Variants in ALDH6A1 observed in about 807,000 individuals in gnomAD.
The protein encoded by ALDH6A1 is aldehyde dehydrogenase 6 family member A1.
A neutral mutation model predicts 62.6 loss-of-function variants in ALDH6A1; 43 were observed. The ratio of observed to expected loss-of-function variants is 0.69; its 90% CI spans 0.54 to 0.89. The LOEUF is 0.89. Among genes scored for constraint, ALDH6A1 ranks in the 40% least tolerant of loss-of-function variants. The probability of loss-of-function intolerance (pLI) is 0.00; values close to 1 mark genes in which losing one functional copy is unlikely to be tolerated. For synonymous variants in ALDH6A1, 194 were observed against 234.2 expected (o/e 0.83, Z 1.57); for missense variants, 551 against 661.3 (o/e 0.83, Z 1.83).
At position 74,066,730 on chromosome 14, in the gene ALDH6A1, C is replaced by T; in HGVS notation, c.1199G>A (p.Gly400Glu). Reference sequence around the variant, plus strand: ...CTTGACATTCGAGATGATGGTTGGTCCAACAAAGTTGCCATTTTCATAGCC... The same window carrying T: ...CTTGACATTCGAGATGATGGTTGGTTCAACAAAGTTGCCATTTTCATAGCC... ...VKGYENGNFV[G>E]PTIISNVKPN... is the part of the protein sequence containing the mutation. Residue 400 changes from glycine (G) to glutamate (E), a missense_variant, in exon 9 of 12, where the codon GGA becomes GAA. Gly to Glu is a moderately conservative substitution (Grantham distance 98). Coordinates refer to ENST00000553458, the MANE Select transcript of ALDH6A1 (RefSeq NM_005589.4). 6.2e-7 allele frequency: 1 copy of T among 1,614,014 alleles called. No individual in the cohort carries two copies. Among genetic ancestry groups the T allele is most frequent in the South Asian group, 1.1e-5 (1 of 91,060 alleles).
chr14:74,057,174 C>T lies in ALDH6A1; in HGVS notation c.*3468G>A, dbSNP rs763575412. ...AAAGTAAGCTTCAAGATAAAATCTT[C>T]ATCACCCAGCAAATTGCAATATCAG... is the stretch of plus-strand genomic sequence containing the variant. On this transcript the variant is annotated 3_prime_UTR_variant, in exon 12 of 12. Coordinates refer to ENST00000553458, the MANE Select transcript of ALDH6A1 (RefSeq NM_005589.4). The T allele has an allele frequency of 1.4e-5, 22 of 1,613,238 alleles. No individual in the cohort carries two copies. Among genetic ancestry groups the T allele is most frequent in the Non-Finnish European group, 1.8e-5 (21 of 1,179,478 alleles).
chr14:74,069,103 T>TTTC lies in ALDH6A1; in HGVS notation c.731-123_731-122insGAA, dbSNP rs879156715. The TTTC allele has an allele frequency of 1.2e-5, 6 of 518,864 alleles. 1 individual carries two copies. The South Asian group carries it at 2.3e-4, about 19-fold the overall frequency. The allele number at this position is 518,864 out of a possible 1,614,324, so 32.1% of individuals were successfully genotyped here. On this transcript the variant is annotated intron_variant, in intron 6 of 11. Transcript: ENST00000553458. ...CCTGTGTTTTTCTTTTACTTTTTCT[T>TTTC]TTTTTTTTTTTTTTTTTTTGAGACG... is the stretch of plus-strand genomic sequence containing the variant.
chr14:74,057,029 T>C lies in ALDH6A1; in HGVS notation c.*3613A>G. The stretch of plus-strand genomic sequence containing the variant: ...ATAAACATGAGCCCAACACGATGGT[T>C]CTTGTGGGCATCTTGAATGTGCTAA... On this transcript the variant is annotated 3_prime_UTR_variant, in exon 12 of 12. Transcript: ENST00000553458. 1 of 1,585,648 alleles carries C rather than the reference T, an allele frequency of 6.3e-7. No individual in the cohort carries two copies. Among genetic ancestry groups the C allele is most frequent in the African/African-American group, 1.3e-5 (1 of 74,104 alleles).
At chr14:74,063,748 C>A (rs1023117137) in intron 11 of ALDH6A1, among the ~76,000 whole-genome samples, 1 of 151,172 alleles carries the variant, frequency 6.6e-6, no homozygotes, top group Non-Finnish European at 1.5e-5. Flanking sequence ...CATCTGTAAT[C>A]CCAGCTACTT....
At chr14:74,078,620 C>T (rs1049544458) in intron 1 of ALDH6A1, among the ~76,000 whole-genome samples, 1 of 152,150 alleles carries the variant, frequency 6.6e-6, no homozygotes, top group African/African-American at 2.4e-5. Flanking sequence ...CTCCACCTCC[C>T]GGGTTCAAGT....
At chr14:74,076,365 C>T (rs1255835703) in intron 1 of ALDH6A1, among the ~76,000 whole-genome samples, 1 of 152,008 alleles carries the variant, frequency 6.6e-6, no homozygotes, top group Non-Finnish European at 1.5e-5. Flanking sequence ...TATATGTTAT[C>T]AAAGTTGATT....
rs1290771016 is a variant in ALDH6A1 at position 74,072,346 on chromosome 14, C to A, written c.205G>T (p.Gly69Cys). Residue 69 changes from glycine to cysteine, a missense_variant, in exon 4 of 12, where the codon GGT (glycine) becomes TGT (cysteine). Transcript: ENST00000553458. Reference protein sequence around the residue: ...IHNPATNEVIGRVPQATKAEM... With the variant: ...IHNPATNEVICRVPQATKAEM... Reference sequence around the variant, plus strand: ...GCCTTGGTGGCCTGAGGGACCCGACCAATGACCTCATTGGTGGCCTGATGA... The same window carrying A: ...GCCTTGGTGGCCTGAGGGACCCGACAAATGACCTCATTGGTGGCCTGATGA... 1.2e-6 allele frequency: 2 copies of A among 1,614,146 alleles called. No homozygotes were observed. Among genetic ancestry groups the A allele is most frequent in the Admixed American group, 1.7e-5 (1 of 60,018 alleles).
rs1159315170 is a variant in ALDH6A1 at position 74,068,776 on chromosome 14, G to C, written c.852+84C>G. The C allele has an allele frequency of 3.6e-5, 53 of 1,473,344 alleles. 1 individual carries two copies. In the Middle Eastern group the frequency reaches 8.7e-4, roughly 24 times the overall value. 91.3% of individuals were successfully genotyped at this position (1,473,344 alleles called of 1,614,324 possible). A position where few individuals can be genotyped will look rare whatever the true frequency, so the allele number is the denominator to read the frequency against. The stretch of plus-strand genomic sequence containing the variant: ...AGAAACACTGACATTGGAGTGGGAT[G>C]AGTGGCCTCTCTGCTGAAGGTCTGT... On this transcript the variant is annotated intron_variant, in intron 7 of 11. Coordinates refer to ENST00000553458, the MANE Select transcript of ALDH6A1 (RefSeq NM_005589.4).
chr14:74,079,307 C>T (rs1197509208), intron 1 of ALDH6A1, among the ~76,000 whole-genome samples: 1 of 148,804 alleles, frequency 6.7e-6, no homozygotes, highest in African/African-American at 2.6e-5. Flanking sequence ...AGTACAATGG[C>T]GCAATCTCGG....
chr14:74,076,093 G>A (rs1328681893), intron 1 of ALDH6A1, among the ~76,000 whole-genome samples: 1 of 152,130 alleles, frequency 6.6e-6, no homozygotes, highest in Non-Finnish European at 1.5e-5. Context: ...TTGGGGTGAT[G>A]GACATATGTT....
At chr14:74,080,371 T>TC (rs1457978117) in intron 1 of ALDH6A1, among the ~76,000 whole-genome samples, 3 of 148,666 alleles carry the variant, frequency 2.0e-5, no homozygotes, top group Non-Finnish European at 3.0e-5. Flanking sequence ...ACTCTTTCTT[T>TC]TTTTTTTTTT....
At chr14:74,068,481 C>T (rs2060503446) in intron 7 of ALDH6A1, among the ~76,000 whole-genome samples, 2 of 152,114 alleles carry the variant, frequency 1.3e-5, no homozygotes, top group African/African-American at 4.8e-5. Flanking sequence ...AGGCTTACGC[C>T]TGTAATCCCA....
intron 11 of ALDH6A1, among the ~76,000 whole-genome samples, chr14:74,062,312 T>C (rs1445626012): frequency 6.6e-6 from 1 of 151,594 alleles, no homozygotes; most frequent in Non-Finnish European, 1.5e-5. Flanking sequence ...TTACAAAAGC[T>C]GTGACTAGGC....
In ALDH6A1 at chr14:74,060,744, G is replaced by A. The variant is rs202203734; in HGVS notation, c.1506C>T (p.Gly502=). 38 of 1,606,672 alleles carry A rather than the reference G, an allele frequency of 2.4e-5. No homozygotes were observed. Among genetic ancestry groups the A allele is most frequent in the Non-Finnish European group, 3.2e-5 (37 of 1,173,312 alleles). ...RGDTNFYGKQ[G]IQFYTQLKTI... ...TCTTTAACTGAGTGTAGAATTGGAT[G>A]CCCTAAGGAAAACAGAAAAAAAGTT... The change falls in exon 12 of 12, where the codon GGC becomes GGT. Residue 502 remains glycine (G), a splice_region_variant and synonymous_variant. Transcript: ENST00000553458.
chr14:74,069,192 C>T, intron 6 of ALDH6A1: 1 of 445,576 alleles, frequency 2.2e-6, no homozygotes, highest in Non-Finnish European at 4.1e-6. Flanking sequence ...GCAACCTCCG[C>T]CTCCCAGGTT....
rs111824463 is a variant in ALDH6A1, at chr14:74,071,832, C to A, written c.427+64G>T. On this transcript the variant is annotated intron_variant, in intron 5 of 11. Coordinates refer to ENST00000553458, the MANE Select transcript of ALDH6A1 (RefSeq NM_005589.4). ...AAGGAAGAAGCAACCTCCCATTCTG[C>A]GATCTTTGCCTCCCATCTTCCTTTG... is the stretch of plus-strand genomic sequence containing the variant. 3.2e-6 allele frequency: 5 copies of A among 1,562,800 alleles called. No homozygotes were observed. In the Admixed American group the frequency reaches 8.3e-5, roughly 26 times the overall value.
At chr14:74,064,962 A>G in intron 10 of ALDH6A1, 42 bp from the exon 11 acceptor site, 1 of 1,572,020 alleles carries the variant, frequency 6.4e-7, no homozygotes, top group South Asian at 1.1e-5. Flanking sequence ...AGGACAAAGG[A>G]ACTCTCCATT....
intron 11 of ALDH6A1, 56 bp downstream of exon 11, chr14:74,064,766 A>G: frequency 2.5e-6 from 4 of 1,611,490 alleles, no homozygotes; most frequent in African/African-American, 1.3e-5. Flanking sequence ...TTGCTCCTGA[A>G]TATCTTTAAG....
Position 74,067,589 on chromosome 14 carries a change from G to A in ALDH6A1, c.853-20C>T. On this transcript the variant is annotated intron_variant, in intron 7 of 11. Transcript: ENST00000553458. ...GGCTCCCTAAAAAAAAATGCAGAAA[G>A]CACATGAGTCTTCCTTGGCCAAATA... 6.2e-7 allele frequency: 1 copy of A among 1,613,080 alleles called. No homozygotes were observed. Among genetic ancestry groups the A allele is most frequent in the Non-Finnish European group, 8.5e-7 (1 of 1,179,496 alleles).
Sources: gnomAD v4.1 joint callset for allele counts (sites outside exome capture counted in the v4.1 genomes callset) on GRCh38, gnomAD v4.1.1 for gene constraint, MANE v1.5 for transcripts, NCBI Gene and HGNC (gene_info 2026-07-23, HGNC 2026-07-21) for gene names.